The following ADGRL2 variants were observed in gnomAD, a reference collection of about 807,000 sequenced individuals.
ADGRL2 encodes calcium-independent alpha-latrotoxin receptor 2.
ADGRL2 carries 44 observed loss-of-function variants against 157.4 expected under a neutral mutation model. The ratio of observed to expected loss-of-function variants is 0.28; its 90% CI spans 0.22 to 0.36. ADGRL2 has a LOEUF of 0.36. Ranked by LOEUF, ADGRL2 falls within the 10% of genes least tolerant of loss-of-function variation. The pLI, the probability that ADGRL2 is intolerant of heterozygous loss-of-function variation, is 1.00. For synonymous variants in ADGRL2, 585 were observed against 624.7 expected (o/e 0.94, Z 0.95); for missense variants, 1,510 against 1,768.9 (o/e 0.85, Z 2.63).
intron 1 of ADGRL2, among the ~76,000 whole-genome samples, chr1:81,395,668 A>C (rs1222931370): frequency 1.3e-5 from 2 of 152,164 alleles, no homozygotes; most frequent in Non-Finnish European, 2.9e-5. Flanking sequence ...GTAGTTTTAT[A>C]GTTTCAGTGT....
intron 2 of ADGRL2, among the ~76,000 whole-genome samples, chr1:81,484,927 AGT>A (rs1193721806): frequency 6.6e-6 from 1 of 152,156 alleles, no homozygotes. Context: ...TACAAAATCC[AGT>A]TTTGTTTTCA....
intron 2 of ADGRL2, among the ~76,000 whole-genome samples, chr1:81,487,813 G>T (rs12095540): frequency 0.15 from 22,260 of 152,168 alleles, 3,024 homozygotes; most frequent in African/African-American, 0.36. Context: ...TGGACTGGCT[G>T]AGGAGGAGAT....
chr1:81,497,496 C>T (rs2078756018), intron 2 of ADGRL2, among the ~76,000 whole-genome samples: 2 of 151,936 alleles, frequency 1.3e-5, no homozygotes, highest in Non-Finnish European at 2.9e-5. Context: ...TAAGTCTAAT[C>T]TTATAGAACA....
At chr1:81,838,308 TTAAAA>T (rs2092388080) in intron 2 of ADGRL2, among the ~76,000 whole-genome samples, 1 of 152,182 alleles carries the variant, frequency 6.6e-6, no homozygotes, top group South Asian at 2.1e-4. Context: ...TTAGAAATAC[TTAAAA>T]TAAGAGTTTC....
intron 3 of ADGRL2, among the ~76,000 whole-genome samples, chr1:81,911,677 T>G (rs2094724784): frequency 6.6e-6 from 1 of 152,226 alleles, no homozygotes. Context: ...TGGTTTATTT[T>G]TCAATATTAA....
At chr1:81,403,323 G>T (rs6700064) in intron 1 of ADGRL2, among the ~76,000 whole-genome samples, 2 of 151,580 alleles carry the variant, frequency 1.3e-5, no homozygotes, top group African/African-American at 2.4e-5. Context: ...GGAGTGCAGC[G>T]GCATGATCTC....
chr1:81,420,170 A>G (rs2077100444), intron 1 of ADGRL2, among the ~76,000 whole-genome samples: 1 of 152,208 alleles, frequency 6.6e-6, no homozygotes, highest in Non-Finnish European at 1.5e-5. Flanking sequence ...TGAACTAGGA[A>G]AGGATTTTGA....
intron 3 of ADGRL2, among the ~76,000 whole-genome samples, chr1:81,933,688 C>T (rs773558978): frequency 2.2e-4 from 34 of 152,142 alleles, no homozygotes; most frequent in South Asian, 8.3e-4. Flanking sequence ...TAATAGCTCA[C>T]GTTGGGTGTT....
upstream of ADGRL2, among the ~76,000 whole-genome samples, chr1:81,795,544 A>G (rs182223257): frequency 3.5e-4 from 54 of 152,346 alleles, no homozygotes; most frequent in Admixed American, 1.4e-3. Flanking sequence ...TGGAAACATT[A>G]TAAGTGTTAT....
intron 1 of ADGRL2, among the ~76,000 whole-genome samples, chr1:81,329,205 C>A (rs2100683040): frequency 6.6e-6 from 1 of 152,168 alleles, no homozygotes; most frequent in East Asian, 1.9e-4. Flanking sequence ...TCATTATGTT[C>A]ACTTTTCCAA....
chr1:81,665,059 G>A (rs1260725593), intron 3 of ADGRL2, among the ~76,000 whole-genome samples: 3 of 152,050 alleles, frequency 2.0e-5, no homozygotes, highest in Non-Finnish European at 4.4e-5. Flanking sequence ...TACTAGGTGG[G>A]TCAGACATTA....
chr1:81,722,871 G>T, intron 1 of ADGRL2: 1 of 712,036 alleles, frequency 1.4e-6, no homozygotes, highest in South Asian at 1.5e-5. Context: ...TTTCCCAGAG[G>T]AATATCTGGA....
chr1:81,632,444 T>C (rs2082028560), intron 3 of ADGRL2, among the ~76,000 whole-genome samples: 1 of 152,066 alleles, frequency 6.6e-6, no homozygotes, highest in Non-Finnish European at 1.5e-5. Flanking sequence ...AGTGTGCAGC[T>C]TGGAGTGTTT....
intron 2 of ADGRL2, among the ~76,000 whole-genome samples, chr1:81,543,237 G>T (rs975435573): frequency 4.6e-5 from 7 of 151,884 alleles, no homozygotes; most frequent in Non-Finnish European, 1.0e-4. Flanking sequence ...TGGGGCCTTT[G>T]CTAGGTGATT....
At chr1:81,802,134 G>A (rs2088282644) in intron 1 of ADGRL2, among the ~76,000 whole-genome samples, 1 of 150,886 alleles carries the variant, frequency 6.6e-6, no homozygotes, top group African/African-American at 2.4e-5. Flanking sequence ...GCCGGCCTCG[G>A]CCCTCTCCGG....
intron 3 of ADGRL2, among the ~76,000 whole-genome samples, chr1:81,917,627 A>C (rs1302636392): frequency 6.6e-6 from 1 of 152,228 alleles, no homozygotes; most frequent in African/African-American, 2.4e-5. Flanking sequence ...ATTTGTTAAC[A>C]TGTCATATGT....
rs2090973442 is a variant in ADGRL2, at chr1:81,821,368, T to A, written c.-100-15517T>A. Among the ~76,000 whole-genome samples the A allele has an allele frequency of 2.0e-5, 3 of 152,154 alleles. No individual in the cohort carries two copies. In the South Asian group the frequency reaches 6.2e-4, roughly 32 times the overall value. On this transcript the variant is annotated intron_variant, in intron 1 of 23. Transcript: ENST00000686636. ...AATTTTTAGCATTAGAGACATTTTCTGATATGCAGGGAGCTCTTCCTCCAC... is the reference window on the plus strand; with the variant it reads ...AATTTTTAGCATTAGAGACATTTTCAGATATGCAGGGAGCTCTTCCTCCAC...
chr1:81,443,562 T>C (rs927234198), intron 1 of ADGRL2, among the ~76,000 whole-genome samples: 1 of 152,174 alleles, frequency 6.6e-6, no homozygotes, highest in Non-Finnish European at 1.5e-5. Flanking sequence ...ACCCACTTGA[T>C]AGAAATCCAG....
chr1:81,616,451 G>A (rs887177154), intron 3 of ADGRL2, among the ~76,000 whole-genome samples: 1 of 152,074 alleles, frequency 6.6e-6, no homozygotes, highest in African/African-American at 2.4e-5. Context: ...CTTCTCTCAG[G>A]TACTGAGCCT....
Sources: allele counts gnomAD v4.1 joint callset (sites outside exome capture counted in the v4.1 genomes callset), GRCh38; gene constraint gnomAD v4.1.1; transcripts MANE v1.5; gene names NCBI Gene and HGNC (gene_info 2026-07-23, HGNC 2026-07-21).